Variants in ZFAT observed in about 807,000 individuals in gnomAD.
The protein encoded by ZFAT is zinc finger protein ZFAT.
Under a neutral mutation model 117.7 loss-of-function variants are expected in ZFAT, and 64 were observed. The ratio of observed to expected loss-of-function variants is 0.54; its 90% CI spans 0.44 to 0.67. ZFAT has a LOEUF of 0.67. Among genes scored for constraint, ZFAT ranks in the 30% least tolerant of loss-of-function variants. The probability of loss-of-function intolerance (pLI) is 0.00; values close to 1 mark genes in which losing one functional copy is unlikely to be tolerated. For missense variants in ZFAT, 1,433 were observed against 1,584.5 expected (o/e 0.90, Z 1.62); for synonymous variants, 679 against 615.0 (o/e 1.10, Z -1.54).
intron 3 of ZFAT, among the ~76,000 whole-genome samples, chr8:134,613,425 G>A (rs527764678): frequency 7.5e-4 from 115 of 152,356 alleles, no homozygotes; most frequent in African/African-American, 2.6e-3. Context: ...GGGGCTGGAC[G>A]TGGGTGAAGG....
chr8:134,748,597 T>C, the ZFAT span, among the ~76,000 whole-genome samples: 1 of 152,196 alleles, frequency 6.6e-6, no homozygotes, highest in Non-Finnish European at 1.5e-5. Context: ...CGTATGAGTA[T>C]CTCTAAAAAA....
intron 5 of ZFAT, among the ~76,000 whole-genome samples, chr8:134,608,054 C>T (rs1009536115): frequency 1.4e-4 from 22 of 152,140 alleles, no homozygotes; most frequent in African/African-American, 4.6e-4. Flanking sequence ...TAAAAACTGG[C>T]TATATAAACT....
chr8:134,825,267 T>C, the ZFAT span, among the ~76,000 whole-genome samples: 2 of 152,346 alleles, frequency 1.3e-5, no homozygotes, highest in East Asian at 3.9e-4. Context: ...AGGCATACAA[T>C]GATTAGCTCA....
chr8:134,581,425 G>A (rs1825703425), intron 10 of ZFAT, among the ~76,000 whole-genome samples: 1 of 152,146 alleles, frequency 6.6e-6, no homozygotes, highest in South Asian at 2.1e-4. Flanking sequence ...TAGAATCAGA[G>A]AATTGAGGCT....
At chr8:134,785,878 T>G in the ZFAT span, 1 of 152,186 alleles carries the variant, frequency 6.6e-6, no homozygotes, top group Non-Finnish European at 1.5e-5. Flanking sequence ...TTCAGTGAAT[T>G]TATAGATTTG....
chr8:134,655,388 C>T (rs576400209), intron 2 of ZFAT, among the ~76,000 whole-genome samples: 44 of 152,314 alleles, frequency 2.9e-4, no homozygotes, highest in African/African-American at 1.0e-3. Context: ...TGGCTCACAC[C>T]TGTAATCCCA....
At chr8:134,481,343 A>C (rs1817290938) in intron 15 of ZFAT, among the ~76,000 whole-genome samples, 1 of 152,148 alleles carries the variant, frequency 6.6e-6, no homozygotes, top group South Asian at 2.1e-4. Flanking sequence ...CACATGTGCA[A>C]ACAAGCCCTC....
intron 11 of ZFAT, among the ~76,000 whole-genome samples, chr8:134,540,842 A>G (rs887284394): frequency 6.6e-6 from 1 of 152,218 alleles, no homozygotes; most frequent in Non-Finnish European, 1.5e-5. Flanking sequence ...TATGAACTAT[A>G]TCTAACCATC....
At chr8:134,725,505 T>C in the ZFAT span, among the ~76,000 whole-genome samples, 37 of 152,178 alleles carry the variant, frequency 2.4e-4, no homozygotes, top group East Asian at 7.0e-3. Flanking sequence ...CTACACGCTT[T>C]TCTACAGCCA....
intron 15 of ZFAT, among the ~76,000 whole-genome samples, chr8:134,505,346 G>T (rs1431507572): frequency 6.6e-6 from 1 of 152,190 alleles, no homozygotes; most frequent in Non-Finnish European, 1.5e-5. Context: ...TTGAGAGCAG[G>T]AACAATCTTA....
chr8:134,764,357 A>G, the ZFAT span, among the ~76,000 whole-genome samples: 1 of 152,264 alleles, frequency 6.6e-6, no homozygotes, highest in East Asian at 1.9e-4. Context: ...TACATAAGAC[A>G]GAAGTTAAAT....
intron 1 of ZFAT, among the ~76,000 whole-genome samples, chr8:134,703,561 C>A (rs568129804): frequency 2.0e-5 from 3 of 152,330 alleles, no homozygotes; most frequent in African/African-American, 7.2e-5. Flanking sequence ...CACAGATGGC[C>A]AGTAGCACTA....
chr8:134,676,255 C>CAAAAAAAA (rs146638821), intron 1 of ZFAT, among the ~76,000 whole-genome samples: 1 of 80,584 alleles, frequency 1.2e-5, no homozygotes, highest in East Asian at 4.0e-4. Context: ...AAATGGAAAG[C>CAAAAAAAA]AAAAAAAAAA....
chr8:134,641,971 C>T (rs778805320), intron 2 of ZFAT, among the ~76,000 whole-genome samples: 23 of 152,216 alleles, frequency 1.5e-4, no homozygotes, highest in African/African-American at 5.3e-4. Context: ...AATAGCCCAA[C>T]ATTATCAACA....
At chr8:134,599,903 A>G (rs773633697) in intron 7 of ZFAT, 1 of 414,302 alleles carries the variant, frequency 2.4e-6, no homozygotes, top group South Asian at 1.7e-5. Flanking sequence ...AGCATATTGA[A>G]TTAACATTTC....
intron 9 of ZFAT, among the ~76,000 whole-genome samples, chr8:134,586,540 C>G (rs1049495787): frequency 6.6e-6 from 1 of 152,218 alleles, no homozygotes; most frequent in Non-Finnish European, 1.5e-5. Flanking sequence ...TTTATAAGCC[C>G]ATGGTCTCCA....
chr8:134,667,968 C>T (rs926101978), intron 1 of ZFAT, among the ~76,000 whole-genome samples: 1 of 152,216 alleles, frequency 6.6e-6, no homozygotes, highest in Non-Finnish European at 1.5e-5. Flanking sequence ...ATATCCCGCG[C>T]ATGGCTCCGT....
chr8:134,585,658 C>T (rs1323163172), intron 9 of ZFAT, among the ~76,000 whole-genome samples: 1 of 152,184 alleles, frequency 6.6e-6, no homozygotes, highest in Non-Finnish European at 1.5e-5. Context: ...TCTGCACTTC[C>T]GTGGACTCTG....
intron 1 of ZFAT, among the ~76,000 whole-genome samples, chr8:134,660,059 G>C (rs865791920): frequency 6.6e-6 from 1 of 152,168 alleles, no homozygotes; most frequent in African/African-American, 2.4e-5. Flanking sequence ...AATGCTTCCC[G>C]AACAAGAAGA....
Sources: allele counts gnomAD v4.1 joint callset (sites outside exome capture counted in the v4.1 genomes callset), GRCh38; gene constraint gnomAD v4.1.1; transcripts MANE v1.5; gene names NCBI Gene and HGNC (gene_info 2026-07-23, HGNC 2026-07-21).